SLC39A7: variants seen among roughly 807,000 people sequenced by gnomAD.
SLC39A7 encodes zinc transporter SLC39A7.
SLC39A7 carries 25 observed loss-of-function variants against 39.7 expected under a neutral mutation model. The observed-to-expected ratio is 0.63, with a 90% CI of 0.46 to 0.88. SLC39A7 has a LOEUF of 0.88. SLC39A7 is among the 40% of genes least tolerant of loss of function. SLC39A7 has a pLI of 0.00. For synonymous variants in SLC39A7, 181 were observed against 234.1 expected, an observed-to-expected ratio of 0.77 and a Z score of 2.07; for missense variants, 501 against 592.1, an observed-to-expected ratio of 0.85 and a Z score of 1.60.
At position 33,203,076 on chromosome 6, in the gene SLC39A7, C is replaced by T; in HGVS notation, c.1107C>T (p.Ile369=). 6.2e-7 allele frequency: 1 copy of T among 1,604,338 alleles called. No individual in the cohort carries two copies. The highest frequency in any genetic ancestry group is 8.5e-7 in the Non-Finnish European group (1 of 1,175,806). ...EVPHEVGDFA[I]LVQSGCSKKQ... is the part of the protein sequence containing the mutation. The stretch of plus-strand genomic sequence containing the variant: ...CCCACGAGGTCGGAGACTTTGCCAT[C>T]TTGGTCCAGTCTGGCTGCAGCAAAA... The change falls in exon 6 of 7, where the codon ATC becomes ATT. Residue 369 remains isoleucine (I), a synonymous_variant. Coordinates refer to ENST00000374677, the MANE Select transcript of SLC39A7 (RefSeq NM_006979.3).
In SLC39A7 at chr6:33,201,999, C is replaced by T; in HGVS notation, c.581-73C>T. ...TTCTTTCTCCTTTATGATCCCTGAC[C>T]TTTCGATATTCCCCCAAATACACAC... On this transcript the variant is annotated intron_variant, in intron 2 of 6. Coordinates refer to ENST00000374677, the MANE Select transcript of SLC39A7 (RefSeq NM_006979.3). The surrounding 1 kb of genome is among the most constrained non-coding windows in gnomAD (Gnocchi z 5.9). The T allele has an allele frequency of 6.3e-7, 1 of 1,598,162 alleles. No homozygotes were observed. Among genetic ancestry groups the T allele is most frequent in the Non-Finnish European group, 8.6e-7 (1 of 1,166,486 alleles).
In SLC39A7 at chr6:33,202,717, G is replaced by A; in HGVS notation, c.940+17G>A. The A allele has an allele frequency of 4.4e-6, 7 of 1,578,968 alleles. No individual in the cohort carries two copies. The highest frequency in any genetic ancestry group is 6.0e-6 in the Non-Finnish European group (7 of 1,168,862). On this transcript the variant is annotated intron_variant, in intron 5 of 6. Coordinates refer to ENST00000374677, the MANE Select transcript of SLC39A7 (RefSeq NM_006979.3). ...GAGGCTTAGGTAAGGGCCAGAGTTGGTGATAAATTTGGGCAAGGGACATCA... is the reference window on the plus strand; with the variant it reads ...GAGGCTTAGGTAAGGGCCAGAGTTGATGATAAATTTGGGCAAGGGACATCA...
At position 33,200,938 on chromosome 6, in the gene SLC39A7, G is replaced by T. The variant is rs1487293318; in HGVS notation, c.-308G>T. 1.0e-6 allele frequency: 1 copy of T among 995,844 alleles called. No individual in the cohort carries two copies. The highest frequency in any genetic ancestry group is 1.4e-5 in the South Asian group (1 of 72,524). The allele number at this position is 995,844 out of a possible 1,614,324, so 61.7% of individuals were successfully genotyped here. On this transcript the variant is annotated 5_prime_UTR_variant, in exon 1 of 7. Coordinates refer to ENST00000374677, the MANE Select transcript of SLC39A7 (RefSeq NM_006979.3). The surrounding 1 kb of genome is among the most constrained non-coding windows in gnomAD (Gnocchi z 6.3). The stretch of plus-strand genomic sequence containing the variant: ...CGGGAAAGGAGAGGATCCCGGAGCC[G>T]GTGAGAATTCTCTGTTTTTTCTCTA...
At position 33,201,562 on chromosome 6, in the gene SLC39A7, A is replaced by G. The variant is rs1215646639; in HGVS notation, c.317A>G (p.His106Arg). The G allele has an allele frequency of 6.2e-7, 1 of 1,614,046 alleles. No homozygotes were observed. Among genetic ancestry groups the G allele is most frequent in the Admixed American group, 1.7e-5 (1 of 60,012 alleles). ...CATGAGAGCCTCTACCACAGAGGAC[A>G]TGGACATGACCATGAGCATAGCCAT... Reference protein sequence around the residue: ...YSHESLYHRGHGHDHEHSHGG... With the variant: ...YSHESLYHRGRGHDHEHSHGG... The change falls in exon 1 of 7, where the codon CAT (histidine) becomes CGT (arginine). Residue 106 changes from histidine to arginine, a missense_variant. Transcript: ENST00000374677. This position sits in a 1 kb window ranked among gnomAD's most constrained non-coding sequence, Gnocchi z 5.9.
intron 2 of SLC39A7, 58 bp from the exon 3 acceptor site, chr6:33,202,014 C>T: frequency 6.3e-7 from 1 of 1,599,092 alleles, no homozygotes; most frequent in Middle Eastern, 1.7e-4. Flanking sequence ...GATATTCCCC[C>T]AAATACACAC....
rs760069143 is a variant in SLC39A7 at position 33,201,488 on chromosome 6, T to C, written c.243T>C (p.His81=). The change falls in exon 1 of 7, where the codon CAT becomes CAC. Residue 81 remains histidine, a synonymous_variant. Coordinates refer to ENST00000374677, the MANE Select transcript of SLC39A7 (RefSeq NM_006979.3). This position sits in a 1 kb window ranked among gnomAD's most constrained non-coding sequence, Gnocchi z 5.9. ...IWHGHTHDHD[H]GHSHEDLHHG... ...ATGGACATACCCACGATCACGACCA[T>C]GGACATTCACATGAGGATTTACACC... 3 of 1,613,950 alleles carry C rather than the reference T, an allele frequency of 1.9e-6. No individual in the cohort carries two copies. The African/African-American group carries it at 4.0e-5, about 22-fold the overall frequency.
rs777655596 is a variant in SLC39A7, at chr6:33,202,721, T to C, written c.940+21T>C. On this transcript the variant is annotated intron_variant, in intron 5 of 6. Coordinates refer to ENST00000374677, the MANE Select transcript of SLC39A7 (RefSeq NM_006979.3). ...CTTAGGTAAGGGCCAGAGTTGGTGA[T>C]AAATTTGGGCAAGGGACATCATCAC... 56 of 1,577,412 alleles carry C rather than the reference T, an allele frequency of 3.6e-5. No homozygotes were observed. In the African/African-American group the frequency reaches 6.8e-4, roughly 19 times the overall value.
In SLC39A7 at chr6:33,203,118, C is replaced by T. The variant is rs1305924289; in HGVS notation, c.1137+12C>T. 6.4e-7 allele frequency: 1 copy of T among 1,570,728 alleles called. No homozygotes were observed. Among genetic ancestry groups the T allele is most frequent in the East Asian group, 2.3e-5 (1 of 44,440 alleles). On this transcript the variant is annotated intron_variant, in intron 6 of 6. Transcript: ENST00000374677. ...GCAGCAAAAAGCAGGTTGGTGATGTCTGCCAAACACAGCTGCCTCAAACCC... is the reference window on the plus strand; with the variant it reads ...GCAGCAAAAAGCAGGTTGGTGATGTTTGCCAAACACAGCTGCCTCAAACCC...
rs901351031 is a variant in SLC39A7, at chr6:33,201,691, G to A, written c.411+35G>A. On this transcript the variant is annotated intron_variant, in intron 1 of 6. Coordinates refer to ENST00000374677, the MANE Select transcript of SLC39A7 (RefSeq NM_006979.3). The surrounding 1 kb of genome is among the most constrained non-coding windows in gnomAD (Gnocchi z 5.9). ...CAGGGGATGGGAGAGAGAAGGGCTG[G>A]TTCTGGATTGTTGGGAAACTCCACA... 6.2e-7 allele frequency: 1 copy of A among 1,612,068 alleles called. No homozygotes were observed. The highest frequency in any genetic ancestry group is 8.5e-7 in the Non-Finnish European group (1 of 1,178,502).
Position 33,201,182 on chromosome 6 carries a change from G to A in SLC39A7, c.-64G>A. On this transcript the variant is annotated 5_prime_UTR_variant, in exon 1 of 7. Transcript: ENST00000374677. This position sits in a 1 kb window ranked among gnomAD's most constrained non-coding sequence, Gnocchi z 5.9. ...CGGAGGGCGCGATTGGAGTAAAGCG[G>A]ACCCTGTGTAGGTATAGAGTTGAGT... The A allele has an allele frequency of 5.4e-6, 8 of 1,488,510 alleles. No homozygotes were observed. Among genetic ancestry groups the A allele is most frequent in the Non-Finnish European group, 7.3e-6 (8 of 1,101,382 alleles). The allele number at this position is 1,488,510 out of a possible 1,614,324, so 92.2% of individuals were successfully genotyped here.
chr6:33,201,829 C>G lies in SLC39A7; in HGVS notation c.496C>G (p.Arg166Gly), dbSNP rs760191382. ...CGTGGAGTCGAACTCTCCCCGGCATCGCTCTCTACTTCAGATCTTGCTCAG... is the reference window on the plus strand; with the variant it reads ...CGTGGAGTCGAACTCTCCCCGGCATGGCTCTCTACTTCAGATCTTGCTCAG... Reference protein sequence around the residue: ...IPVESNSPRHRSLLQILLSFA... With the variant: ...IPVESNSPRHGSLLQILLSFA... The change falls in exon 2 of 7, where the codon CGC becomes GGC. Residue 166 changes from arginine (R) to glycine (G), a missense_variant. Physicochemically the swap from Arg to Gly is moderately radical, Grantham distance 125 (BLOSUM62 -2). Transcript: ENST00000374677. This position sits in a 1 kb window ranked among gnomAD's most constrained non-coding sequence, Gnocchi z 5.9. 6.2e-7 allele frequency: 1 copy of G among 1,613,224 alleles called. No homozygotes were observed. Among genetic ancestry groups the G allele is most frequent in the Non-Finnish European group, 8.5e-7 (1 of 1,179,940 alleles).
intron 6 of SLC39A7, 130 bp downstream of exon 6, chr6:33,203,236 G>C (rs376556071): frequency 1.2e-6 from 1 of 849,062 alleles, no homozygotes; most frequent in Non-Finnish European, 1.8e-6. Context: ...GAAATGAGGG[G>C]GAAGAAGTTC....
chr6:33,202,374 G>C lies in SLC39A7; in HGVS notation c.746G>C (p.Gly249Ala). 6.2e-7 allele frequency: 1 copy of C among 1,612,870 alleles called. No homozygotes were observed. The highest frequency in any genetic ancestry group is 8.5e-7 in the Non-Finnish European group (1 of 1,179,864). Residue 249 changes from glycine to alanine, a missense_variant, in exon 4 of 7, where the codon GGA becomes GCA. Gly to Ala is a moderately conservative substitution (Grantham distance 60). Transcript: ENST00000374677. ...HVKGGHGHSH[G>A]HGHAHSHTRG... is the part of the protein sequence containing the mutation. ...AAAGGAGGACATGGTCACAGTCATGGACATGGACACGCTCACAGTCATACA... is the reference window on the plus strand; with the variant it reads ...AAAGGAGGACATGGTCACAGTCATGCACATGGACACGCTCACAGTCATACA...
At chr6:33,203,170 C>A in intron 6 of SLC39A7, 64 bp downstream of exon 6, 2 of 1,346,574 alleles carry the variant, frequency 1.5e-6, no homozygotes, top group Non-Finnish European at 2.0e-6. Flanking sequence ...CACCCTAAAC[C>A]CAAACAGCCT....
rs1368743095 is a variant in SLC39A7, at chr6:33,202,701, G to A, written c.940+1G>A. On this transcript the variant is annotated splice_donor_variant, in intron 5 of 6. Transcript: ENST00000374677. LOFTEE classifies it high-confidence loss of function. The stretch of plus-strand genomic sequence containing the variant: ...GCTGAAGAAGAAAAAAGAGGCTTAG[G>A]TAAGGGCCAGAGTTGGTGATAAATT... 1.3e-6 allele frequency: 2 copies of A among 1,589,660 alleles called. No individual in the cohort carries two copies. The highest frequency in any genetic ancestry group is 1.7e-6 in the Non-Finnish European group (2 of 1,173,232).
intron 6 of SLC39A7, 141 bp from the exon 7 acceptor site, chr6:33,203,400 A>T: frequency 5.6e-6 from 5 of 900,092 alleles, no homozygotes; most frequent in Non-Finnish European, 8.4e-6. Flanking sequence ...TGTCTATTCT[A>T]GACTGCTCCC....
At position 33,202,375 on chromosome 6, in the gene SLC39A7, A is replaced by G. The variant is rs779744631; in HGVS notation, c.747A>G (p.Gly249=). The G allele has an allele frequency of 6.2e-7, 1 of 1,612,802 alleles. No individual in the cohort carries two copies. Among genetic ancestry groups the G allele is most frequent in the South Asian group, 1.1e-5 (1 of 91,068 alleles). The stretch of plus-strand genomic sequence containing the variant: ...AAGGAGGACATGGTCACAGTCATGG[A>G]CATGGACACGCTCACAGTCATACAC... ...HVKGGHGHSH[G]HGHAHSHTRG... The change falls in exon 4 of 7, where the codon GGA becomes GGG. Residue 249 remains glycine, a synonymous_variant. Coordinates refer to ENST00000374677, the MANE Select transcript of SLC39A7 (RefSeq NM_006979.3).
In SLC39A7 at chr6:33,202,686, A is replaced by G. The variant is rs2150685837; in HGVS notation, c.926A>G (p.Glu309Gly). 1 of 1,594,132 alleles carries G rather than the reference A, an allele frequency of 6.3e-7. No homozygotes were observed. The highest frequency in any genetic ancestry group is 8.5e-7 in the Non-Finnish European group (1 of 1,174,896). ...GPVRPQNAEE[E>G]KRGLDLRVSG... ...GTGAGACCTCAGAACGCTGAAGAAG[A>G]AAAAAGAGGCTTAGGTAAGGGCCAG... Residue 309 changes from glutamate to glycine, a missense_variant, in exon 5 of 7, where the codon GAA (glutamate) becomes GGA (glycine). By Grantham distance (98) the Glu-to-Gly change is moderately conservative. Coordinates refer to ENST00000374677, the MANE Select transcript of SLC39A7 (RefSeq NM_006979.3).
In SLC39A7 at chr6:33,204,318, A is replaced by G; in HGVS notation, c.*505A>G. ...AGTGATTGGGGGGATGGGGTGGGAG[A>G]GGGTTAGTTGGTATTCTCATGGCCT... On this transcript the variant is annotated 3_prime_UTR_variant, in exon 7 of 7. Coordinates refer to ENST00000374677, the MANE Select transcript of SLC39A7 (RefSeq NM_006979.3). 1 of 515,672 alleles carries G rather than the reference A, an allele frequency of 1.9e-6. No individual in the cohort carries two copies. The allele number at this position is 515,672 out of a possible 1,614,324, so 31.9% of individuals were successfully genotyped here.
Sources: gnomAD v4.1 joint callset for allele counts on GRCh38, gnomAD v4.1.1 for gene constraint, Gnocchi (gnomAD v3.1) non-coding constraint, MANE v1.5 for transcripts, NCBI Gene and HGNC (gene_info 2026-07-23, HGNC 2026-07-21) for gene names.